The following FBXO25 variants were observed in gnomAD, a reference collection of about 807,000 sequenced individuals.
The protein encoded by FBXO25 is F-box protein 25.
In FBXO25, 45 loss-of-function variants were observed where a neutral mutation model predicts 51.9. The observed-to-expected ratio is 0.87, with a 90% CI of 0.68 to 1.11. FBXO25 has a LOEUF of 1.11. FBXO25 is among the 50% of genes most tolerant of loss of function. The pLI is 0.00. For synonymous variants in FBXO25, 199 were observed against 151.0 expected (o/e 1.32, Z -2.33); for missense variants, 507 against 428.5 (o/e 1.18, Z -1.62).
chr8:456,902 A>C (rs1799475442), intron 7 of FBXO25, among the ~76,000 whole-genome samples: 1 of 152,210 alleles, frequency 6.6e-6, no homozygotes, highest in African/African-American at 2.4e-5. Context: ...TGGGGTGTCA[A>C]GGCACGGGTG....
chr8:455,997 C>G (rs925013717), intron 7 of FBXO25, among the ~76,000 whole-genome samples: 1 of 152,218 alleles, frequency 6.6e-6, no homozygotes, highest in Non-Finnish European at 1.5e-5. Context: ...CTCTACTAAT[C>G]CGGGATTTTT....
intron 5 of FBXO25, 48 bp downstream of exon 5, chr8:435,755 T>C (rs1169473324): frequency 6.4e-7 from 1 of 1,557,008 alleles, no homozygotes; most frequent in Non-Finnish European, 8.7e-7. Flanking sequence ...TTTGAACAAC[T>C]ATATTTTGAA....
Position 469,004 on chromosome 8 carries a change from C to G in FBXO25, c.*200C>G. The G allele has an allele frequency of 1.1e-5, 6 of 550,224 alleles. No individual in the cohort carries two copies. Among genetic ancestry groups the G allele is most frequent in the Middle Eastern group, 4.7e-4 (1 of 2,138 alleles). The allele number at this position is 550,224 out of a possible 1,614,324, so 34.1% of individuals were successfully genotyped here. On this transcript the variant is annotated 3_prime_UTR_variant, in exon 10 of 10. Transcript: ENST00000350302. ...AAGTCAGAGGCCAAGGAAATCATTT[C>G]TACTTCTTTAAAAACTCCTTCTAAG...
intron 5 of FBXO25, among the ~76,000 whole-genome samples, chr8:437,379 C>T (rs1351650196): frequency 2.6e-5 from 4 of 152,216 alleles, no homozygotes; most frequent in African/African-American, 9.6e-5. Context: ...TGCAGTGTTG[C>T]ATGGCTGTCC....
At position 473,076 on chromosome 8, in the gene FBXO25, TCCAC is replaced by T. The variant is rs935759226; in HGVS notation, c.*4275_*4278del. The T allele has an allele frequency of 1.4e-4, 21 of 152,462 alleles. No homozygotes were observed. The highest frequency in any genetic ancestry group is 4.8e-4 in the African/African-American group (20 of 41,452). The allele number at this position is 152,462 out of a possible 1,614,324, so 9.4% of individuals were successfully genotyped here. Reference sequence around the variant, plus strand: ...GGGCCCTCTATGGCTGACACCAGCATCCACCCTGCACTCATATGTATCTCAACAG... The same window carrying T: ...GGGCCCTCTATGGCTGACACCAGCATCCTGCACTCATATGTATCTCAACAG... On this transcript the variant is annotated 3_prime_UTR_variant, in exon 10 of 10. Coordinates refer to ENST00000350302, the MANE Select transcript of FBXO25 (RefSeq NM_183420.2).
chr8:413,204 G>C lies in FBXO25; in HGVS notation c.125G>C (p.Ser42Thr), dbSNP rs1297015360. ...AGAGAGAATAACCGTTGTAACATCA[G>C]TCACAGCATGTAAGTTACAGCTGAG... is the stretch of plus-strand genomic sequence containing the variant. ...LERENNRCNI[S>T]HSIILNSEDG... The change falls in exon 2 of 10, where the codon AGT (serine) becomes ACT (threonine). Residue 42 changes from serine to threonine, a missense_variant. Transcript: ENST00000350302. 4.4e-6 allele frequency: 7 copies of C among 1,592,422 alleles called. No homozygotes were observed. The African/African-American group carries it at 9.6e-5, about 22-fold the overall frequency.
At chr8:461,857 C>T (rs1286882623) in intron 8 of FBXO25, among the ~76,000 whole-genome samples, 1 of 152,194 alleles carries the variant, frequency 6.6e-6, no homozygotes, top group Non-Finnish European at 1.5e-5. Flanking sequence ...TGAATAATAT[C>T]CCCCTCTATG....
chr8:467,348 A>G (rs1157705941), intron 9 of FBXO25, among the ~76,000 whole-genome samples: 1 of 152,240 alleles, frequency 6.6e-6, no homozygotes. Context: ...CCCCAAAAAA[A>G]TCTGTTATAA....
intron 5 of FBXO25, among the ~76,000 whole-genome samples, chr8:440,717 C>G (rs1798374898): frequency 6.6e-6 from 1 of 152,078 alleles, no homozygotes; most frequent in African/African-American, 2.4e-5. Context: ...AGGTATTTCT[C>G]CTAATGCTAT....
chr8:476,004 T>G lies in FBXO25; in HGVS notation c.*7200T>G, dbSNP rs1800630404. 1 of 152,206 alleles carries G rather than the reference T, an allele frequency of 6.6e-6. No homozygotes were observed. The highest frequency in any genetic ancestry group is 2.4e-5 in the African/African-American group (1 of 41,454). The allele number at this position is 152,206 out of a possible 1,614,324, so 9.4% of individuals were successfully genotyped here. A position where few individuals can be genotyped will look rare whatever the true frequency, so the allele number is the denominator to read the frequency against. On this transcript the variant is annotated 3_prime_UTR_variant, in exon 10 of 10. Transcript: ENST00000350302. The stretch of plus-strand genomic sequence containing the variant: ...TTTCAGTCTTATTGAATATGATGTT[T>G]ACAGTGGGATGTTCATATGGCCTCT...
chr8:422,424 TG>T (rs1797212986), intron 2 of FBXO25, among the ~76,000 whole-genome samples: 1 of 152,216 alleles, frequency 6.6e-6, no homozygotes, highest in Non-Finnish European at 1.5e-5. Flanking sequence ...TCTTCTGGCA[TG>T]GGGGGCCATG....
intron 8 of FBXO25, 50 bp from the exon 9 acceptor site, chr8:462,957 G>A (rs777128617): frequency 6.4e-7 from 1 of 1,565,064 alleles, no homozygotes; most frequent in South Asian, 1.2e-5. Flanking sequence ...CTAATATTAT[G>A]TTTTGAAAGT....
chr8:428,856 G>A (rs1797650386), intron 2 of FBXO25, among the ~76,000 whole-genome samples: 2 of 152,168 alleles, frequency 1.3e-5, no homozygotes, highest in Admixed American at 6.5e-5. Context: ...CCCTGTTGTA[G>A]CATGTGTCAG....
chr8:464,200 T>C (rs982906108), intron 9 of FBXO25, among the ~76,000 whole-genome samples: 5 of 152,324 alleles, frequency 3.3e-5, no homozygotes, highest in East Asian at 1.9e-4. Context: ...GCAATATCTA[T>C]GTGCCCCAGC....
At chr8:441,464 C>CT (rs1464095040) in intron 5 of FBXO25, among the ~76,000 whole-genome samples, 2 of 152,202 alleles carry the variant, frequency 1.3e-5, no homozygotes, top group Admixed American at 6.5e-5. Context: ...TGGGCAAAGA[C>CT]TTGATGTCTA....
At chr8:457,710 C>T (rs552809574) in intron 7 of FBXO25, among the ~76,000 whole-genome samples, 12 of 152,216 alleles carry the variant, frequency 7.9e-5, no homozygotes, top group Non-Finnish European at 1.6e-4. Flanking sequence ...AGGATTATGA[C>T]TTGAGGTGAT....
chr8:461,141 C>T (rs549884795), intron 8 of FBXO25, among the ~76,000 whole-genome samples: 1 of 152,282 alleles, frequency 6.6e-6, no homozygotes, highest in South Asian at 2.1e-4. Context: ...TAGCTCTGCA[C>T]TGGTCATTTT....
At position 463,875 on chromosome 8, in the gene FBXO25, G is replaced by A. The variant is rs954020720; in HGVS notation, c.987+725G>A. Among the ~76,000 whole-genome samples, 12 of 152,014 alleles carry A rather than the reference G, an allele frequency of 7.9e-5. 1 individual carries two copies. The South Asian group carries it at 1.2e-3, about 16-fold the overall frequency. On this transcript the variant is annotated intron_variant, in intron 9 of 9. Transcript: ENST00000350302. ...GTCACCCAGGCTGGAGTGCAGTGGC[G>A]TCATCACGGCTCACTGCAGCCTCTA...
At chr8:419,130 C>T (rs1185225199) in intron 2 of FBXO25, among the ~76,000 whole-genome samples, 11 of 151,816 alleles carry the variant, frequency 7.2e-5, no homozygotes, top group Admixed American at 1.3e-4. Flanking sequence ...GAGGCCAAGG[C>T]GGGCGGATCA....
Sources: gnomAD v4.1 joint callset for allele counts (sites outside exome capture counted in the v4.1 genomes callset) on GRCh38, gnomAD v4.1.1 for gene constraint, MANE v1.5 for transcripts, NCBI Gene and HGNC (gene_info 2026-07-23, HGNC 2026-07-21) for gene names.